The following ZFHX3 variants were observed in gnomAD, a reference collection of about 807,000 sequenced individuals.
ZFHX3 encodes the protein zinc finger homeobox 3.
Under a neutral mutation model 279.1 loss-of-function variants are expected in ZFHX3, and 42 were observed. The observed-to-expected ratio is 0.15, with a 90% CI of 0.12 to 0.19. The LOEUF (loss-of-function observed/expected upper bound fraction) is 0.19. Among genes scored for constraint, ZFHX3 ranks in the 10% least tolerant of loss-of-function variants. The probability of loss-of-function intolerance (pLI) is 1.00; values close to 1 mark genes in which losing one functional copy is unlikely to be tolerated. For missense variants in ZFHX3, 4,981 were observed against 4,754.0 expected (o/e 1.05, Z -1.40); for synonymous variants, 2,293 against 1,957.8 (o/e 1.17, Z -4.52).
chr16:73,363,454 A>T (rs1052127414), intron 3 of ZFHX3, among the ~76,000 whole-genome samples: 3 of 152,132 alleles, frequency 2.0e-5, no homozygotes, highest in Admixed American at 2.0e-4. Context: ...TTTTATCTCC[A>T]TCTCCTCACC....
At chr16:72,905,338 A>T (rs901636632) in intron 3 of ZFHX3, among the ~76,000 whole-genome samples, 2 of 152,190 alleles carry the variant, frequency 1.3e-5, no homozygotes, top group African/African-American at 4.8e-5. Flanking sequence ...TATGTGAATC[A>T]CAAAAGGGCT....
At position 72,864,660 on chromosome 16, in the gene ZFHX3, T is replaced by G. The variant is rs572086394; in HGVS notation, c.3448+25071A>C. 2.0e-5 allele frequency among the ~76,000 whole-genome samples: 3 copies of G among 152,276 alleles called. No individual in the cohort carries two copies. In the East Asian group the frequency reaches 5.8e-4, roughly 29 times the overall value. Reference sequence around the variant, plus strand: ...AGTTGACCTCTCAGGTGGCCCACACTCTTGGGCCTCACTGCATGGCCACCC... The same window carrying G: ...AGTTGACCTCTCAGGTGGCCCACACGCTTGGGCCTCACTGCATGGCCACCC... On this transcript the variant is annotated intron_variant, in intron 4 of 9. Transcript: ENST00000268489.
At chr16:73,512,634 G>C (rs565671137) in intron 2 of ZFHX3, among the ~76,000 whole-genome samples, 3 of 152,140 alleles carry the variant, frequency 2.0e-5, no homozygotes, top group African/African-American at 7.2e-5. Context: ...TATGACTCAG[G>C]GTTTGATGGT....
chr16:73,725,538 TGA>T (rs1555535251), intron 1 of ZFHX3, among the ~76,000 whole-genome samples: 1 of 141,750 alleles, frequency 7.1e-6, no homozygotes, highest in African/African-American at 2.8e-5. Context: ...TGAGTGTGAG[TGA>T]GTGTGTGTGT....
intron 5 of ZFHX3, among the ~76,000 whole-genome samples, chr16:73,218,597 T>C (rs1003460227): frequency 3.3e-5 from 5 of 152,118 alleles, no homozygotes; most frequent in Admixed American, 3.3e-4. Flanking sequence ...GGCAAAACCC[T>C]GTCTCTACTA....
At position 72,787,427 on chromosome 16, in the gene ZFHX3, A is replaced by C; in HGVS notation, c.10849T>G (p.Trp3617Gly). ...SASPHASRKS[W>G]PQVVSRASAA... is the part of the protein sequence containing the mutation. ...GAAGCCCGGGAGACCACTTGCGGCCAAGACTTCCTGGAGGCGTGGGGGGAA... is the reference window on the plus strand; with the variant it reads ...GAAGCCCGGGAGACCACTTGCGGCCCAGACTTCCTGGAGGCGTGGGGGGAA... Residue 3617 changes from tryptophan to glycine, a missense_variant, in exon 10 of 10, where the codon TGG becomes GGG. Physicochemically the swap from Trp to Gly is radical, Grantham distance 184. Around this residue, in one of 7 missense-constraint regions of ZFHX3, gnomAD observed 1,034 missense variants for 786.0 expected, o/e 1.32. Coordinates refer to ENST00000268489, the MANE Select transcript of ZFHX3 (RefSeq NM_006885.4). 6 of 1,598,190 alleles carry C rather than the reference A, an allele frequency of 3.8e-6. No homozygotes were observed. The highest frequency in any genetic ancestry group is 5.1e-6 in the Non-Finnish European group (6 of 1,169,980).
At chr16:73,610,516 G>C (rs908847162) in intron 2 of ZFHX3, among the ~76,000 whole-genome samples, 1 of 152,056 alleles carries the variant, frequency 6.6e-6, no homozygotes, top group Non-Finnish European at 1.5e-5. Flanking sequence ...GCACTCCAAG[G>C]CACCTTTTTG....
At chr16:73,140,612 T>C (rs142771036) in intron 6 of ZFHX3, among the ~76,000 whole-genome samples, 2,039 of 152,252 alleles carry the variant, frequency 0.013, 20 homozygotes, top group Middle Eastern at 0.027. Flanking sequence ...TCCCAGCACT[T>C]TGGGAGGCCG....
At chr16:73,396,566 C>T (rs1045504416) in intron 3 of ZFHX3, among the ~76,000 whole-genome samples, 1 of 152,082 alleles carries the variant, frequency 6.6e-6, no homozygotes, top group Non-Finnish European at 1.5e-5. Flanking sequence ...GGAAAGGAAA[C>T]TTACAATCAT....
chr16:73,474,196 G>A (rs1425266361), intron 2 of ZFHX3, among the ~76,000 whole-genome samples: 3 of 152,056 alleles, frequency 2.0e-5, no homozygotes, highest in Non-Finnish European at 4.4e-5. Context: ...CACCCAGGCT[G>A]GAGTGCAGTG....
rs78469043 is a variant in ZFHX3, at chr16:73,697,217, C to CT, written c.-1607-16978dup. Among the ~76,000 whole-genome samples, 956 of 133,840 alleles carry CT rather than the reference C, an allele frequency of 7.1e-3. 2 individuals carry two copies. The highest frequency in any genetic ancestry group is 0.022 in the South Asian group (93 of 4,150). The allele number at this position is 133,840 out of a possible 152,430, so 87.8% of individuals were successfully genotyped here. ...AAACATCTATCATGAATTCTAACCT[C>CT]TTTTTTTTTTTTTTTAGCAATAGTA... On this transcript the variant is annotated intron_variant, in intron 1 of 17. Transcript: ENST00000641206.
At chr16:73,729,272 A>G (rs1430733681) in intron 1 of ZFHX3, among the ~76,000 whole-genome samples, 2 of 152,200 alleles carry the variant, frequency 1.3e-5, no homozygotes, top group Non-Finnish European at 2.9e-5. Context: ...CACGCCTGTA[A>G]TCCCAACACT....
At chr16:73,321,755 T>G (rs1840859087) in intron 3 of ZFHX3, among the ~76,000 whole-genome samples, 3 of 152,190 alleles carry the variant, frequency 2.0e-5, no homozygotes, top group African/African-American at 7.2e-5. Flanking sequence ...TTTTATATTT[T>G]GACTACTGAC....
At chr16:73,535,426 T>A (rs1013117217) in intron 2 of ZFHX3, among the ~76,000 whole-genome samples, 1 of 152,272 alleles carries the variant, frequency 6.6e-6, no homozygotes, top group South Asian at 2.1e-4. Context: ...GAGATCTGAG[T>A]GGCTATCTGA....
chr16:73,848,457 C>G (rs1309956011), intron 1 of ZFHX3, among the ~76,000 whole-genome samples: 1 of 152,146 alleles, frequency 6.6e-6, no homozygotes, highest in African/African-American at 2.4e-5. Context: ...GCCCACAGAA[C>G]AGGCACCATG....
At chr16:73,782,467 G>C (rs1959505185) in intron 1 of ZFHX3, among the ~76,000 whole-genome samples, 1 of 152,192 alleles carries the variant, frequency 6.6e-6, no homozygotes, top group South Asian at 2.1e-4. Context: ...CTAATTTAGA[G>C]GAGGACTTGA....
intron 2 of ZFHX3, among the ~76,000 whole-genome samples, chr16:73,599,355 C>T (rs533231077): frequency 6.6e-6 from 1 of 152,330 alleles, no homozygotes; most frequent in South Asian, 2.1e-4. Flanking sequence ...CAAGAAAAGT[C>T]AATCTAAAAC....
At chr16:73,031,921 A>G (rs1241510123) in intron 1 of ZFHX3, among the ~76,000 whole-genome samples, 2 of 152,146 alleles carry the variant, frequency 1.3e-5, no homozygotes, top group East Asian at 3.9e-4. Context: ...TAGAATGCAC[A>G]TTCTAGAACC....
chr16:73,348,720 T>C lies in ZFHX3; in HGVS notation c.-1290-30384A>G, dbSNP rs369599302. Among the ~76,000 whole-genome samples, 22 of 152,306 alleles carry C rather than the reference T, an allele frequency of 1.4e-4. No individual in the cohort carries two copies. In the South Asian group the frequency reaches 4.6e-3, roughly 32 times the overall value. ...TTTGCACTGAACCCTTGGTGCTCAT[T>C]TGGGAGGCTCTTGTGGGACCCACAT... On this transcript the variant is annotated intron_variant, in intron 3 of 17. Coordinates refer to the ZFHX3 transcript ENST00000641206.
Sources: gnomAD v4.1 joint callset for allele counts (sites outside exome capture counted in the v4.1 genomes callset) on GRCh38, gnomAD v4.1.1 for gene constraint, gnomAD v4.1.1 regional missense constraint, MANE v1.5 for transcripts, NCBI Gene and HGNC (gene_info 2026-07-23, HGNC 2026-07-21) for gene names.